Variants in PLCE1 observed in about 807,000 individuals in gnomAD.
PLCE1 encodes the protein 1-phosphatidylinositol 4,5-bisphosphate phosphodiesterase epsilon-1.
PLCE1 carries 119 observed loss-of-function variants against 242.8 expected under a neutral mutation model. The ratio of observed to expected loss-of-function variants is 0.49; its 90% CI spans 0.42 to 0.57. The LOEUF (loss-of-function observed/expected upper bound fraction) is 0.57, where lower values mean the gene tolerates loss of function less well. PLCE1 is among the 20% of genes least tolerant of loss of function. The pLI is 0.00. For missense variants in PLCE1, 2,441 were observed against 2,788.8 expected, an observed-to-expected ratio of 0.88 and a Z score of 2.81; for synonymous variants, 945 against 1,017.4, an observed-to-expected ratio of 0.93 and a Z score of 1.35.
chr10:94,262,611 G>A lies in PLCE1; in HGVS notation c.3932G>A (p.Gly1311Asp). 2 of 1,614,016 alleles carry A rather than the reference G, an allele frequency of 1.2e-6. No individual in the cohort carries two copies. The highest frequency in any genetic ancestry group is 2.2e-5 in the East Asian group (1 of 44,862). The change falls in exon 14 of 33, where the codon GGC becomes GAC. Residue 1311 changes from glycine (G) to aspartate (D), a missense_variant. Physicochemically the swap from Gly to Asp is moderately conservative, Grantham distance 94. This residue lies in a region of PLCE1 where 1,004 missense variants were observed against 1,322.7 expected (regional missense o/e 0.76). Coordinates refer to ENST00000371380, the MANE Select transcript of PLCE1 (RefSeq NM_016341.4). ...GCTGCTGCAAGCATTGTGACAAATG[G>A]CACTGGGATTGAGAGCACATCTCTG... ...AIAAASIVTN[G>D]TGIESTSLGI...
intron 3 of PLCE1, chr10:94,138,263 G>A: frequency 2.9e-6 from 1 of 340,314 alleles, no homozygotes; most frequent in Non-Finnish European, 5.8e-6. Flanking sequence ...ATATTCCACA[G>A]TGCATATTGT....
chr10:94,310,535 G>A (rs2053355824), intron 27 of PLCE1, among the ~76,000 whole-genome samples: 2 of 152,082 alleles, frequency 1.3e-5, no homozygotes, highest in Non-Finnish European at 2.9e-5. Flanking sequence ...GAGCACTTTG[G>A]CCAAAGTGGA....
At chr10:94,065,663 T>A (rs2044176974) in intron 2 of PLCE1, among the ~76,000 whole-genome samples, 1 of 152,182 alleles carries the variant, frequency 6.6e-6, no homozygotes. Context: ...CAGGGCCTGT[T>A]ATACAAAAGA....
intron 4 of PLCE1, among the ~76,000 whole-genome samples, chr10:94,211,768 C>T (rs191201775): frequency 1.3e-5 from 2 of 152,214 alleles, no homozygotes; most frequent in Admixed American, 1.3e-4. Flanking sequence ...TCTGTTTCTA[C>T]CTCCTATAAC....
chr10:94,270,470 GT>G lies in PLCE1; in HGVS notation c.4390-12del, dbSNP rs754445168. ...ACAGATATCTGGACTCTAATGAGCTGTTTTGGCTCTCATAGGAAGTGGTTGA... is the reference window on the plus strand; with the variant it reads ...ACAGATATCTGGACTCTAATGAGCTGTTTGGCTCTCATAGGAAGTGGTTGA... On this transcript the variant is annotated splice_polypyrimidine_tract_variant and intron_variant, in intron 17 of 32. Coordinates refer to ENST00000371380, the MANE Select transcript of PLCE1 (RefSeq NM_016341.4). 5.1e-6 allele frequency: 8 copies of G among 1,555,926 alleles called. No individual in the cohort carries two copies. In the African/African-American group the frequency reaches 9.5e-5, roughly 18 times the overall value.
rs1376757469 is a variant in PLCE1 at position 94,023,398 on chromosome 10, G to A, written c.-364-7285G>A. Among the ~76,000 whole-genome samples the A allele has an allele frequency of 2.0e-5, 3 of 152,148 alleles. No individual in the cohort carries two copies. The East Asian group carries it at 5.8e-4, about 29-fold the overall frequency. ...TCTCTCTTTTCATATCATCAAAGTTGTAGATCTGTGTGTGTTTGTGCATGC... is the reference window on the plus strand; with the variant it reads ...TCTCTCTTTTCATATCATCAAAGTTATAGATCTGTGTGTGTTTGTGCATGC... On this transcript the variant is annotated intron_variant, in intron 1 of 32. Coordinates refer to ENST00000371380, the MANE Select transcript of PLCE1 (RefSeq NM_016341.4).
At chr10:94,154,894 A>C (rs1362210887) in intron 3 of PLCE1, among the ~76,000 whole-genome samples, 1 of 146,800 alleles carries the variant, frequency 6.8e-6, no homozygotes, top group Admixed American at 6.8e-5. Context: ...ATATATATAT[A>C]CATATATATA....
chr10:94,004,060 T>C (rs536866944), intron 1 of PLCE1, among the ~76,000 whole-genome samples: 10 of 152,092 alleles, frequency 6.6e-5, no homozygotes, highest in African/African-American at 2.4e-4. Context: ...GGCAAGGAAT[T>C]GCTTGAAGCC....
chr10:94,204,090 A>AT (rs2049066948), intron 4 of PLCE1, among the ~76,000 whole-genome samples: 1 of 152,164 alleles, frequency 6.6e-6, no homozygotes, highest in Non-Finnish European at 1.5e-5. Flanking sequence ...TTGGGGGAAG[A>AT]TTTTTTTAAA....
chr10:94,074,887 G>A (rs1197321806), intron 2 of PLCE1, among the ~76,000 whole-genome samples: 1 of 152,136 alleles, frequency 6.6e-6, no homozygotes, highest in Non-Finnish European at 1.5e-5. Context: ...ATAATATTAA[G>A]TGAGACAGCC....
At chr10:94,304,274 CTTA>C (rs1187147031) in intron 24 of PLCE1, among the ~76,000 whole-genome samples, 3 of 152,198 alleles carry the variant, frequency 2.0e-5, no homozygotes, top group Non-Finnish European at 4.4e-5. Context: ...GAATTTTTCT[CTTA>C]TTACCTGCTG....
intron 1 of PLCE1, among the ~76,000 whole-genome samples, chr10:94,003,000 G>A (rs2060960925): frequency 6.6e-6 from 1 of 152,214 alleles, no homozygotes; most frequent in South Asian, 2.1e-4. Context: ...AATGGGGTCA[G>A]TGGTCCATAG....
chr10:94,224,792 G>T (rs2049883299), intron 4 of PLCE1, among the ~76,000 whole-genome samples: 1 of 152,190 alleles, frequency 6.6e-6, no homozygotes, highest in Non-Finnish European at 1.5e-5. Flanking sequence ...AGTGAGCCAG[G>T]GTTTCACAAA....
rs543658821 is a variant in PLCE1, at chr10:94,227,449, C to T, written c.1953C>T (p.Leu651=). Residue 651 remains leucine, a splice_region_variant and synonymous_variant, in exon 5 of 33, where the codon CTC becomes CTT. Coordinates refer to ENST00000371380, the MANE Select transcript of PLCE1 (RefSeq NM_016341.4). ...CTGTCATGGAGTTCTTGGCTGGCCT[C>T]AGGTATAGTCAGTGGGGAATATGGT... The part of the protein sequence containing the change: ...YNAVMEFLAG[L]RSRKVLKMWQ... 3 of 1,613,688 alleles carry T rather than the reference C, an allele frequency of 1.9e-6. No homozygotes were observed. Among genetic ancestry groups the T allele is most frequent in the African/African-American group, 1.3e-5 (1 of 75,016 alleles).
intron 2 of PLCE1, among the ~76,000 whole-genome samples, chr10:94,120,175 A>T (rs1469247373): frequency 6.6e-6 from 1 of 152,134 alleles, no homozygotes; most frequent in Non-Finnish European, 1.5e-5. Context: ...TCCAGGCTCC[A>T]TGTCCTCCTG....
At chr10:94,117,536 T>C (rs1191778536) in intron 2 of PLCE1, among the ~76,000 whole-genome samples, 1 of 152,206 alleles carries the variant, frequency 6.6e-6, no homozygotes, top group Non-Finnish European at 1.5e-5. Context: ...ATGTCCATTA[T>C]ATGCAGATGC....
At chr10:94,035,392 T>TC (rs1429308185) in intron 2 of PLCE1, among the ~76,000 whole-genome samples, 1 of 152,126 alleles carries the variant, frequency 6.6e-6, no homozygotes, top group Non-Finnish European at 1.5e-5. Flanking sequence ...TGTTCACTGG[T>TC]CCCCAGCTCA....
intron 2 of PLCE1, among the ~76,000 whole-genome samples, chr10:94,123,452 G>A (rs2046354423): frequency 6.6e-6 from 1 of 152,174 alleles, no homozygotes; most frequent in African/African-American, 2.4e-5. Flanking sequence ...GCTCGTGCAT[G>A]GTCTGAATAC....
At chr10:94,171,884 G>A (rs916999475) in intron 4 of PLCE1, among the ~76,000 whole-genome samples, 96 of 152,070 alleles carry the variant, frequency 6.3e-4, no homozygotes, top group African/African-American at 2.1e-3. Flanking sequence ...GACCACATTC[G>A]TATAACCAAC....
Sources: allele counts gnomAD v4.1 joint callset (sites outside exome capture counted in the v4.1 genomes callset), GRCh38; gene constraint gnomAD v4.1.1; regional missense constraint gnomAD v4.1.1; transcripts MANE v1.5; gene names NCBI Gene and HGNC (gene_info 2026-07-23, HGNC 2026-07-21).